PTPRZ1: variants seen among roughly 807,000 people sequenced by gnomAD.
PTPRZ1 encodes the protein receptor-type tyrosine-protein phosphatase zeta.
A neutral mutation model predicts 214.1 loss-of-function variants in PTPRZ1; 82 were observed. The observed-to-expected ratio is 0.38, with a 90% CI of 0.32 to 0.46. PTPRZ1 has a LOEUF of 0.46. PTPRZ1 is among the 20% of genes least tolerant of loss of function. The pLI is 1.00. For missense variants in PTPRZ1, 2,603 were observed against 2,748.7 expected (o/e 0.95, Z 1.19); for synonymous variants, 945 against 987.9 (o/e 0.96, Z 0.81).
intron 17 of PTPRZ1, among the ~76,000 whole-genome samples, chr7:122,035,587 A>G (rs1327164337): frequency 6.6e-6 from 1 of 152,196 alleles, no homozygotes; most frequent in African/African-American, 2.4e-5. Flanking sequence ...AAGAAAAACA[A>G]TCCAGAAATT....
At chr7:121,940,034 C>T (rs573881963) in intron 2 of PTPRZ1, among the ~76,000 whole-genome samples, 2 of 152,238 alleles carry the variant, frequency 1.3e-5, no homozygotes, top group South Asian at 4.1e-4. Flanking sequence ...CACTGTGCTC[C>T]AGCCTCTACC....
At chr7:121,922,592 C>A (rs934881367) in intron 1 of PTPRZ1, among the ~76,000 whole-genome samples, 4 of 151,964 alleles carry the variant, frequency 2.6e-5, no homozygotes, top group African/African-American at 4.8e-5. Flanking sequence ...AAAGTTGATT[C>A]TTTTCTTAAA....
intron 1 of PTPRZ1, among the ~76,000 whole-genome samples, chr7:121,896,801 A>G (rs1448207979): frequency 6.6e-6 from 1 of 151,930 alleles, no homozygotes; most frequent in Non-Finnish European, 1.5e-5. Context: ...AAACAAGAAC[A>G]TTATGCTAAG....
At chr7:122,030,249 A>T (rs1040577377) in intron 14 of PTPRZ1, among the ~76,000 whole-genome samples, 1 of 152,016 alleles carries the variant, frequency 6.6e-6, no homozygotes, top group Admixed American at 6.6e-5. Context: ...TCGTGTAAAA[A>T]TCAGAAAGCA....
intron 2 of PTPRZ1, among the ~76,000 whole-genome samples, chr7:121,949,294 G>A (rs1796481300): frequency 6.6e-6 from 1 of 152,160 alleles, no homozygotes; most frequent in South Asian, 2.1e-4. Context: ...TAGAAGGGGA[G>A]GTAGGTTGGC....
intron 1 of PTPRZ1, among the ~76,000 whole-genome samples, chr7:121,875,737 A>T (rs1230304422): frequency 1.3e-5 from 2 of 152,258 alleles, no homozygotes; most frequent in Non-Finnish European, 2.9e-5. Context: ...CATTGGCAAC[A>T]TCAAGTAACA....
At chr7:122,052,224 TA>T (rs1340304290) in intron 25 of PTPRZ1, among the ~76,000 whole-genome samples, 5 of 152,164 alleles carry the variant, frequency 3.3e-5, no homozygotes, top group Non-Finnish European at 5.9e-5. Flanking sequence ...CCTGCTTATC[TA>T]AAAGGCTTTA....
chr7:122,016,273 T>C (rs1388815954), intron 12 of PTPRZ1, among the ~76,000 whole-genome samples: 1 of 152,076 alleles, frequency 6.6e-6, no homozygotes, highest in Non-Finnish European at 1.5e-5. Flanking sequence ...TTATACTATC[T>C]TATTCTCAAA....
chr7:122,048,385 C>T (rs1792065817), intron 23 of PTPRZ1, among the ~76,000 whole-genome samples: 1 of 151,884 alleles, frequency 6.6e-6, no homozygotes, highest in Admixed American at 6.6e-5. Context: ...AATTTAGAAA[C>T]ATTTTTAAAC....
intron 2 of PTPRZ1, among the ~76,000 whole-genome samples, chr7:121,929,677 G>T (rs976206141): frequency 6.6e-6 from 1 of 151,458 alleles, no homozygotes; most frequent in African/African-American, 2.4e-5. Context: ...GCATGTTGGC[G>T]CATGCTTCTA....
intron 10 of PTPRZ1, among the ~76,000 whole-genome samples, chr7:122,003,463 C>A (rs891003690): frequency 6.6e-6 from 1 of 152,072 alleles, no homozygotes; most frequent in African/African-American, 2.4e-5. Context: ...TATTAATACC[C>A]AGCAGTCTTG....
chr7:121,967,985 T>C lies in PTPRZ1; in HGVS notation c.159T>C (p.Tyr53=). The C allele has an allele frequency of 6.3e-7, 1 of 1,590,516 alleles. No individual in the cohort carries two copies. The highest frequency in any genetic ancestry group is 8.6e-7 in the Non-Finnish European group (1 of 1,163,128). Residue 53 remains tyrosine, a synonymous_variant, in exon 3 of 30, where the codon TAT becomes TAC. Coordinates refer to ENST00000393386, the MANE Select transcript of PTPRZ1 (RefSeq NM_002851.3). ...ALNQKNWGKK[Y]PTCNSPKQSP... ...ATCAAAAAAATTGGGGAAAGAAATA[T>C]CCAACATGTAATAGCCCAAAACAAT...
At chr7:121,948,931 G>A (rs1796468795) in intron 2 of PTPRZ1, among the ~76,000 whole-genome samples, 3 of 152,146 alleles carry the variant, frequency 2.0e-5, no homozygotes, top group Non-Finnish European at 4.4e-5. Flanking sequence ...CTAAAAATGT[G>A]AGACAGGTCT....
chr7:121,934,969 CCA>C (rs3837123), intron 2 of PTPRZ1, among the ~76,000 whole-genome samples: 10,114 of 152,000 alleles, frequency 0.067, 474 homozygotes, highest in African/African-American at 0.13. Flanking sequence ...GGTGTTCTCA[CCA>C]CACACACACA....
intron 2 of PTPRZ1, among the ~76,000 whole-genome samples, chr7:121,953,000 A>G (rs1183323848): frequency 1.3e-5 from 2 of 152,172 alleles, no homozygotes; most frequent in African/African-American, 4.8e-5. Flanking sequence ...AAAAAAAATA[A>G]GTGGAAATTC....
intron 1 of PTPRZ1, among the ~76,000 whole-genome samples, chr7:121,904,362 G>A (rs928370660): frequency 3.3e-5 from 5 of 152,256 alleles, no homozygotes; most frequent in East Asian, 1.9e-4. Flanking sequence ...GCAGATGGCA[G>A]CCTGGAACCA....
intron 23 of PTPRZ1, among the ~76,000 whole-genome samples, chr7:122,046,768 G>A (rs2150484334): frequency 6.6e-6 from 1 of 152,248 alleles, no homozygotes; most frequent in South Asian, 2.1e-4. Context: ...GTTACTGGGA[G>A]ATGTCCCAAT....
intron 2 of PTPRZ1, among the ~76,000 whole-genome samples, chr7:121,964,877 G>A (rs1234275221): frequency 2.0e-5 from 3 of 152,178 alleles, no homozygotes; most frequent in Admixed American, 6.5e-5. Flanking sequence ...GCATGCTCAA[G>A]GGACAGAATG....
At chr7:121,968,837 A>G (rs1797125148) in intron 3 of PTPRZ1, among the ~76,000 whole-genome samples, 1 of 152,176 alleles carries the variant, frequency 6.6e-6, no homozygotes, top group African/African-American at 2.4e-5. Flanking sequence ...ATTCAAAATT[A>G]TAATAGTAGC....
Sources: allele counts gnomAD v4.1 joint callset (sites outside exome capture counted in the v4.1 genomes callset), GRCh38; gene constraint gnomAD v4.1.1; transcripts MANE v1.5; gene names NCBI Gene and HGNC (gene_info 2026-07-23, HGNC 2026-07-21).